IMMP2L: variants seen among roughly 807,000 people sequenced by gnomAD.
IMMP2L encodes mitochondrial inner membrane protease subunit 2.
Under a neutral mutation model 19.3 loss-of-function variants are expected in IMMP2L, and 18 were observed. That is an observed-to-expected ratio of 0.93 (90% CI 0.64 to 1.38). The LOEUF (loss-of-function observed/expected upper bound fraction) is 1.38. IMMP2L is among the 40% of genes most tolerant of loss of function. The pLI is 0.00. For synonymous variants in IMMP2L, 76 were observed against 73.0 expected (o/e 1.04, Z -0.21); for missense variants, 233 against 218.2 (o/e 1.07, Z -0.43).
chr7:111,427,437 A>G (rs888123880), intron 3 of IMMP2L, among the ~76,000 whole-genome samples: 8 of 151,784 alleles, frequency 5.3e-5, no homozygotes, highest in African/African-American at 1.9e-4. Flanking sequence ...CAGAGATCCA[A>G]GAGAAAAGAG....
At chr7:111,210,572 T>C (rs768559482) in intron 3 of IMMP2L, among the ~76,000 whole-genome samples, 2 of 152,150 alleles carry the variant, frequency 1.3e-5, no homozygotes, top group Non-Finnish European at 2.9e-5. Context: ...TTATGCTTGA[T>C]ATATTTTTAA....
rs1262849011 is a variant in IMMP2L, at chr7:111,048,281, GA to G, written c.240-84717del. Reference sequence around the variant, plus strand: ...AAAAAAAAAAGAAAAAAAGAAAAAAGAAAAAAAGAAATCTGGCTGCTTCCCC... The same window carrying G: ...AAAAAAAAAAGAAAAAAAGAAAAAAGAAAAAAGAAATCTGGCTGCTTCCCC... On this transcript the variant is annotated intron_variant, in intron 3 of 5. Transcript: ENST00000405709. Among the ~76,000 whole-genome samples, 297 of 121,646 alleles carry G rather than the reference GA, an allele frequency of 2.4e-3. 2 individuals are homozygous for G. Among genetic ancestry groups the G allele is most frequent in the African/African-American group, 9.5e-3 (284 of 29,942 alleles). The allele number at this position is 121,646 out of a possible 152,430, so 79.8% of individuals were successfully genotyped here.
At chr7:111,066,807 G>A (rs1360769177) in intron 3 of IMMP2L, among the ~76,000 whole-genome samples, 2 of 152,126 alleles carry the variant, frequency 1.3e-5, no homozygotes, top group Admixed American at 6.6e-5. Context: ...TATGAATTAC[G>A]GTAGGGCCTG....
chr7:111,037,792 G>A (rs1003051954), intron 3 of IMMP2L, among the ~76,000 whole-genome samples: 2 of 152,098 alleles, frequency 1.3e-5, no homozygotes, highest in Non-Finnish European at 2.9e-5. Context: ...ATGTACAATT[G>A]CTTCTAATAA....
At chr7:111,195,113 G>C (rs894572448) in intron 3 of IMMP2L, among the ~76,000 whole-genome samples, 1 of 152,038 alleles carries the variant, frequency 6.6e-6, no homozygotes, top group Non-Finnish European at 1.5e-5. Context: ...ACATTGTAAA[G>C]TATATGAAAG....
At chr7:111,095,445 G>A (rs148708055) in intron 3 of IMMP2L, among the ~76,000 whole-genome samples, 2 of 151,672 alleles carry the variant, frequency 1.3e-5, no homozygotes, top group African/African-American at 4.8e-5. Context: ...TCACAGATAT[G>A]TACAAAAAAG....
At chr7:111,140,562 C>T (rs188401448) in intron 3 of IMMP2L, among the ~76,000 whole-genome samples, 26 of 152,210 alleles carry the variant, frequency 1.7e-4, no homozygotes, top group South Asian at 2.1e-4. Context: ...AAACTGAGAA[C>T]GTAAGACATG....
intron 5 of IMMP2L, among the ~76,000 whole-genome samples, chr7:110,691,371 G>C (rs987203694): frequency 6.6e-6 from 1 of 151,948 alleles, no homozygotes. Flanking sequence ...AATTCTAGAA[G>C]AAAACCCAGG....
At chr7:111,389,569 T>C (rs1832129209) in intron 3 of IMMP2L, among the ~76,000 whole-genome samples, 1 of 151,590 alleles carries the variant, frequency 6.6e-6, no homozygotes, top group South Asian at 2.1e-4. Flanking sequence ...TAATGTGTAA[T>C]GGTAAGAGGA....
chr7:110,695,313 T>C (rs558780375), intron 5 of IMMP2L, among the ~76,000 whole-genome samples: 1 of 152,146 alleles, frequency 6.6e-6, no homozygotes, highest in Non-Finnish European at 1.5e-5. Flanking sequence ...CGCCTTAGCC[T>C]CCCAAGTGGC....
intron 3 of IMMP2L, among the ~76,000 whole-genome samples, chr7:111,286,943 C>T (rs918863895): frequency 6.6e-6 from 1 of 152,122 alleles, no homozygotes; most frequent in South Asian, 2.1e-4. Flanking sequence ...TGATAAGACA[C>T]CCTTAGAATA....
intron 3 of IMMP2L, among the ~76,000 whole-genome samples, chr7:111,025,295 C>T (rs1585818100): frequency 1.3e-5 from 2 of 152,278 alleles, no homozygotes; most frequent in East Asian, 3.9e-4. Context: ...ATGTCATCTA[C>T]TTCCTAGAGT....
chr7:111,168,175 G>T (rs192995673), intron 3 of IMMP2L, among the ~76,000 whole-genome samples: 2 of 151,990 alleles, frequency 1.3e-5, no homozygotes, highest in East Asian at 3.9e-4. Context: ...ACTTAATTTT[G>T]AGTGTTAAAA....
At chr7:111,239,964 G>T (rs755050938) in intron 3 of IMMP2L, among the ~76,000 whole-genome samples, 7 of 151,872 alleles carry the variant, frequency 4.6e-5, no homozygotes, top group Non-Finnish European at 8.8e-5. Flanking sequence ...AACACCTTTT[G>T]TCCCTAAGGA....
chr7:111,158,180 G>A (rs937059302), intron 3 of IMMP2L, among the ~76,000 whole-genome samples: 7 of 151,634 alleles, frequency 4.6e-5, no homozygotes, highest in African/African-American at 1.7e-4. Context: ...TAAAAACTCA[G>A]AAAAATGTAA....
intron 5 of IMMP2L, among the ~76,000 whole-genome samples, chr7:110,799,494 AT>A (rs926162165): frequency 7.2e-5 from 11 of 152,000 alleles, no homozygotes; most frequent in Non-Finnish European, 1.5e-4. Flanking sequence ...ATTATCTTCT[AT>A]TTTTATATCA....
intron 4 of IMMP2L, among the ~76,000 whole-genome samples, chr7:110,918,493 T>C (rs1813884847): frequency 6.6e-6 from 1 of 151,196 alleles, no homozygotes; most frequent in Non-Finnish European, 1.5e-5. Context: ...TTCACTCTTG[T>C]TGCCCAGGGT....
intron 3 of IMMP2L, among the ~76,000 whole-genome samples, chr7:111,009,828 T>C (rs1824738912): frequency 6.6e-6 from 1 of 152,172 alleles, no homozygotes; most frequent in African/African-American, 2.4e-5. Flanking sequence ...ATAAATGCTG[T>C]GGTTTTGAGA....
chr7:111,229,554 C>T (rs980371638), intron 3 of IMMP2L, among the ~76,000 whole-genome samples: 5 of 151,934 alleles, frequency 3.3e-5, no homozygotes, highest in African/African-American at 1.2e-4. Context: ...ACATTCCCAC[C>T]GTCTCCTTCC....
Sources: allele counts gnomAD v4.1 joint callset (sites outside exome capture counted in the v4.1 genomes callset), GRCh38; gene constraint gnomAD v4.1.1; transcripts MANE v1.5; gene names NCBI Gene and HGNC (gene_info 2026-07-23, HGNC 2026-07-21).